The following SPATS2L variants were observed in gnomAD, a reference collection of about 807,000 sequenced individuals.
SPATS2L encodes the protein spermatogenesis associated serine rich 2 like.
SPATS2L carries 30 observed loss-of-function variants against 59.6 expected under a neutral mutation model. The observed-to-expected ratio is 0.50, with a 90% CI of 0.38 to 0.68. SPATS2L has a LOEUF of 0.68. Ranked by LOEUF, SPATS2L falls within the 30% of genes least tolerant of loss-of-function variation. SPATS2L has a pLI of 0.00. For missense variants in SPATS2L, 615 were observed against 700.0 expected (o/e 0.88, Z 1.37); for synonymous variants, 252 against 263.5 (o/e 0.96, Z 0.42).
intron 6 of SPATS2L, among the ~76,000 whole-genome samples, chr2:200,436,405 A>G (rs1011339684): frequency 3.3e-5 from 5 of 152,178 alleles, no homozygotes; most frequent in East Asian, 3.9e-4. Flanking sequence ...TGTCAGACAT[A>G]CATGCATATA....
At chr2:200,348,894 A>G (rs986003636) in intron 2 of SPATS2L, among the ~76,000 whole-genome samples, 53 of 152,242 alleles carry the variant, frequency 3.5e-4, no homozygotes, top group African/African-American at 1.1e-3. Flanking sequence ...AGAAAAAAAA[A>G]AAAAAAATTT....
At chr2:200,374,427 G>A (rs1453737992) in intron 2 of SPATS2L, among the ~76,000 whole-genome samples, 1 of 152,110 alleles carries the variant, frequency 6.6e-6, no homozygotes, top group African/African-American at 2.4e-5. Context: ...CCCTCCAGAA[G>A]CCACTTTATG....
intron 2 of SPATS2L, among the ~76,000 whole-genome samples, chr2:200,370,157 G>A (rs778944657): frequency 9.9e-5 from 15 of 152,278 alleles, no homozygotes; most frequent in South Asian, 4.1e-4. Flanking sequence ...CCAGAAGCTT[G>A]GTGATTGACA....
chr2:200,461,923 C>T (rs1169342887), intron 9 of SPATS2L, among the ~76,000 whole-genome samples: 1 of 152,132 alleles, frequency 6.6e-6, no homozygotes, highest in East Asian at 1.9e-4. Flanking sequence ...TTTTAGAATC[C>T]TGAAATACAG....
rs190160942 is a variant in SPATS2L at position 200,394,631 on chromosome 2, T to C, written c.39+5348T>C. Among the ~76,000 whole-genome samples, 239 of 152,338 alleles carry C rather than the reference T, an allele frequency of 1.6e-3. 1 individual carries two copies. The highest frequency in any genetic ancestry group is 5.5e-3 in the African/African-American group (227 of 41,582). On this transcript the variant is annotated intron_variant, in intron 3 of 12. Transcript: ENST00000409140. ...CGCCTGCTTGAATTGTTAAGTTCTTTAGAGACTTCATTTCCCATTTACGAT... is the reference window on the plus strand; with the variant it reads ...CGCCTGCTTGAATTGTTAAGTTCTTCAGAGACTTCATTTCCCATTTACGAT...
intron 2 of SPATS2L, among the ~76,000 whole-genome samples, chr2:200,341,067 C>T (rs1165491063): frequency 6.6e-6 from 1 of 152,192 alleles, no homozygotes; most frequent in Non-Finnish European, 1.5e-5. Flanking sequence ...TCTGTATGTG[C>T]ACGTATGTGT....
At chr2:200,332,699 T>C (rs1179226164) in intron 2 of SPATS2L, among the ~76,000 whole-genome samples, 1 of 151,874 alleles carries the variant, frequency 6.6e-6, no homozygotes, top group Non-Finnish European at 1.5e-5. Context: ...GATTTCTTAA[T>C]TCATTGCCCA....
At chr2:200,471,900 G>A (rs1351798779) in intron 11 of SPATS2L, among the ~76,000 whole-genome samples, 1 of 152,208 alleles carries the variant, frequency 6.6e-6, no homozygotes, top group Non-Finnish European at 1.5e-5. Context: ...ACAGTTTTAA[G>A]CCTCAAAGAA....
intron 1 of SPATS2L, chr2:200,309,144 G>C (rs2079118303): frequency 1.4e-6 from 1 of 717,324 alleles, no homozygotes; most frequent in African/African-American, 1.7e-5. Flanking sequence ...TCTCACTTTG[G>C]GGCCTAATTT....
intron 3 of SPATS2L, among the ~76,000 whole-genome samples, chr2:200,403,927 A>G (rs2082611065): frequency 6.6e-6 from 1 of 152,224 alleles, no homozygotes; most frequent in Non-Finnish European, 1.5e-5. Flanking sequence ...ACTCTCACGC[A>G]GAGGAATGGT....
intron 3 of SPATS2L, among the ~76,000 whole-genome samples, chr2:200,402,935 A>G (rs185819907): frequency 6.6e-6 from 1 of 152,326 alleles, no homozygotes; most frequent in Admixed American, 6.5e-5. Context: ...GCAAAATGCA[A>G]GGTTCTAAAA....
chr2:200,397,105 A>G (rs1327155557), intron 3 of SPATS2L, among the ~76,000 whole-genome samples: 1 of 152,196 alleles, frequency 6.6e-6, no homozygotes, highest in Non-Finnish European at 1.5e-5. Flanking sequence ...TTTCCAGGCT[A>G]CATGATCGGA....
chr2:200,479,950 TAAGA>T lies in SPATS2L; in HGVS notation c.*1924_*1927del, dbSNP rs1331813534. On this transcript the variant is annotated 3_prime_UTR_variant, in exon 13 of 13. Transcript: ENST00000409140. ...AGGAAGGAAGAGTTGTTCGTTCAAATAAGAAAGATAAATGTTCGGCACTGTAGGC... is the reference window on the plus strand; with the variant it reads ...AGGAAGGAAGAGTTGTTCGTTCAAATAAGATAAATGTTCGGCACTGTAGGC... The T allele has an allele frequency of 1.1e-4, 43 of 390,544 alleles. No individual in the cohort carries two copies. The highest frequency in any genetic ancestry group is 1.8e-4 in the Admixed American group (4 of 22,476). The allele number at this position is 390,544 out of a possible 1,614,324, so 24.2% of individuals were successfully genotyped here.
intron 1 of SPATS2L, chr2:200,308,886 G>T: frequency 1.7e-6 from 1 of 593,300 alleles, no homozygotes. Context: ...TTTTGTTTTA[G>T]GGAGCCCCCT....
intron 2 of SPATS2L, among the ~76,000 whole-genome samples, chr2:200,370,794 C>G (rs1323444770): frequency 6.6e-6 from 1 of 152,190 alleles, no homozygotes; most frequent in African/African-American, 2.4e-5. Flanking sequence ...CAAGCCCAGA[C>G]TGTGTACTTA....
intron 1 of SPATS2L, among the ~76,000 whole-genome samples, chr2:200,307,885 TTTC>T (rs1207678882): frequency 2.0e-5 from 3 of 152,220 alleles, no homozygotes; most frequent in African/African-American, 7.2e-5. Context: ...TTCTGTACGT[TTTC>T]TTTTGGCTAT....
At chr2:200,405,233 A>G (rs1425924437) in intron 3 of SPATS2L, among the ~76,000 whole-genome samples, 2 of 152,206 alleles carry the variant, frequency 1.3e-5, no homozygotes, top group Non-Finnish European at 2.9e-5. Flanking sequence ...TCAGATCCCC[A>G]GGTGATCAGA....
intron 6 of SPATS2L, among the ~76,000 whole-genome samples, chr2:200,431,406 CAT>C (rs2083923978): frequency 6.6e-6 from 1 of 152,130 alleles, no homozygotes; most frequent in Non-Finnish European, 1.5e-5. Context: ...CTTTAAGTAA[CAT>C]AGACATTAGC....
chr2:200,477,515 T>TAAAAAAAAAAAAAAA lies in SPATS2L; in HGVS notation c.1282-112_1282-98dup, dbSNP rs59073895. 1,186 of 302,552 alleles carry TAAAAAAAAAAAAAAA rather than the reference T, an allele frequency of 3.9e-3. 41 individuals carry two copies. The highest frequency in any genetic ancestry group is 8.4e-3 in the African/African-American group (193 of 23,080). 18.7% of individuals were successfully genotyped at this position (302,552 alleles called of 1,614,324 possible). ...CATGTTTTCTGATTCTTCTGGTGTA[T>TAAAAAAAAAAAAAAA]AAAAAAAAAAAAAAAAAAAAAAAGC... On this transcript the variant is annotated intron_variant, in intron 12 of 12. Coordinates refer to ENST00000409140, the MANE Select transcript of SPATS2L (RefSeq NM_001100423.2).
Sources: gnomAD v4.1 joint callset for allele counts (sites outside exome capture counted in the v4.1 genomes callset) on GRCh38, gnomAD v4.1.1 for gene constraint, MANE v1.5 for transcripts, NCBI Gene and HGNC (gene_info 2026-07-23, HGNC 2026-07-21) for gene names.